Variants in STAT4 observed in about 807,000 individuals in gnomAD.
STAT4 encodes the protein signal transducer and activator of transcription 4.
A neutral mutation model predicts 110.5 loss-of-function variants in STAT4; 42 were observed. The observed-to-expected ratio is 0.38, with a 90% CI of 0.30 to 0.49. The LOEUF (loss-of-function observed/expected upper bound fraction) is 0.49, where lower values mean the gene tolerates loss of function less well. STAT4 is among the 20% of genes least tolerant of loss of function. The probability of loss-of-function intolerance (pLI) is 0.95; values close to 1 mark genes in which losing one functional copy is unlikely to be tolerated. For synonymous variants in STAT4, 284 were observed against 302.2 expected (o/e 0.94, Z 0.63); for missense variants, 632 against 887.9 (o/e 0.71, Z 3.66).
rs1023352164 is a variant in STAT4 at position 191,050,130 on chromosome 2, G to A, written c.1251+4360C>T. Among the ~76,000 whole-genome samples the A allele has an allele frequency of 6.6e-6, 1 of 152,146 alleles. No homozygotes were observed. Among genetic ancestry groups the A allele is most frequent in the African/African-American group, 2.4e-5 (1 of 41,436 alleles). ...AACACCTCAGTCTGTGGCTAAAACT[G>A]TCATTTATCAGTTAAAGCCCACTGA... is the stretch of plus-strand genomic sequence containing the variant. On this transcript the variant is annotated intron_variant, in intron 14 of 23. Transcript: ENST00000392320. This position sits in a 1 kb window ranked among gnomAD's most constrained non-coding sequence, Gnocchi z 4.3.
At position 191,066,338 on chromosome 2, in the gene STAT4, TA is replaced by T; in HGVS notation, c.630+91del. On this transcript the variant is annotated intron_variant, in intron 7 of 23. Coordinates refer to ENST00000392320, the MANE Select transcript of STAT4 (RefSeq NM_003151.4). The surrounding 1 kb of genome is among the most constrained non-coding windows in gnomAD (Gnocchi z 4.3). ...TTCTTCATTCAGTAAATGGAACTGATAAAATCTGACAGCTTGATTATTTTCA... is the reference window on the plus strand; with the variant it reads ...TTCTTCATTCAGTAAATGGAACTGATAAATCTGACAGCTTGATTATTTTCA... 8.5e-7 allele frequency: 1 copy of T among 1,172,122 alleles called. No individual in the cohort carries two copies. 72.6% of individuals were successfully genotyped at this position (1,172,122 alleles called of 1,614,324 possible).
chr2:191,098,419 A>C (rs1698066169), intron 3 of STAT4, among the ~76,000 whole-genome samples: 1 of 152,216 alleles, frequency 6.6e-6, no homozygotes, highest in Admixed American at 6.5e-5. Flanking sequence ...TATACCATGG[A>C]ATACTATGCA....
At position 191,099,616 on chromosome 2, in the gene STAT4, C is replaced by T. The variant is rs1176072174; in HGVS notation, c.274-23291G>A. On this transcript the variant is annotated intron_variant, in intron 3 of 23. Coordinates refer to ENST00000392320, the MANE Select transcript of STAT4 (RefSeq NM_003151.4). The surrounding 1 kb of genome is among the most constrained non-coding windows in gnomAD (Gnocchi z 4.1). ...TTCATCATTTACAAAATTTCATAAA[C>T]AACACACATGTACACATTATATTTT... is the stretch of plus-strand genomic sequence containing the variant. Among the ~76,000 whole-genome samples the T allele has an allele frequency of 6.6e-6, 1 of 152,060 alleles. No individual in the cohort carries two copies. The highest frequency in any genetic ancestry group is 2.4e-5 in the African/African-American group (1 of 41,432).
intron 3 of STAT4, among the ~76,000 whole-genome samples, chr2:191,119,109 T>C (rs1698650889): frequency 6.6e-6 from 1 of 152,196 alleles, no homozygotes. Flanking sequence ...CCTATGGTTC[T>C]GACAAAATAA....
Position 191,144,861 on chromosome 2 carries a change from A to G in STAT4, c.273+1752T>C, listed in dbSNP as rs906408315. ...CAATTCCAAAAGGTAGATAATAATTATCTTTGTTTACATTAAAAGATACAG... is the reference window on the plus strand; with the variant it reads ...CAATTCCAAAAGGTAGATAATAATTGTCTTTGTTTACATTAAAAGATACAG... On this transcript the variant is annotated intron_variant, in intron 3 of 23. Coordinates refer to ENST00000392320, the MANE Select transcript of STAT4 (RefSeq NM_003151.4). This position sits in a 1 kb window ranked among gnomAD's most constrained non-coding sequence, Gnocchi z 4.7. Among the ~76,000 whole-genome samples the G allele has an allele frequency of 3.9e-5, 6 of 152,206 alleles. No homozygotes were observed. The highest frequency in any genetic ancestry group is 6.5e-5 in the Admixed American group (1 of 15,272).
At chr2:191,040,744 T>C (rs1696171322) in intron 15 of STAT4, among the ~76,000 whole-genome samples, 1 of 152,054 alleles carries the variant, frequency 6.6e-6, no homozygotes, top group Admixed American at 6.6e-5. Context: ...GTATTTTTAG[T>C]AGAGGTGGGG....
chr2:191,038,522 C>G (rs1489434118), intron 16 of STAT4, among the ~76,000 whole-genome samples: 1 of 152,146 alleles, frequency 6.6e-6, no homozygotes, highest in Non-Finnish European at 1.5e-5. Flanking sequence ...TTTCTCTAGA[C>G]CTCAGTGGTT....
Position 191,047,377 on chromosome 2 carries a change from G to T in STAT4, c.1252-6229C>A, listed in dbSNP as rs575988868. On this transcript the variant is annotated intron_variant, in intron 14 of 23. Transcript: ENST00000392320. ...TTGTGGGAACCCTCAATTTATTGCT[G>T]GTTGGTCAGAAGTGCAGATCACAAC... Among the ~76,000 whole-genome samples the T allele has an allele frequency of 5.9e-5, 9 of 152,320 alleles. No individual in the cohort carries two copies. The East Asian group carries it at 1.7e-3, about 29-fold the overall frequency.
intron 5 of STAT4, 115 bp downstream of exon 5, chr2:191,072,983 T>C (rs1315171469): frequency 1.4e-6 from 1 of 703,106 alleles, no homozygotes; most frequent in Non-Finnish European, 2.4e-6. Context: ...TTTATCTTAT[T>C]AACAAATTGC....
At chr2:191,129,351 G>A (rs1698968374) in intron 3 of STAT4, among the ~76,000 whole-genome samples, 2 of 152,126 alleles carry the variant, frequency 1.3e-5, no homozygotes, top group South Asian at 2.1e-4. Flanking sequence ...CTACTTGGGA[G>A]GCTGAGGTGG....
At chr2:191,128,047 G>A (rs1018557462) in intron 3 of STAT4, among the ~76,000 whole-genome samples, 16 of 152,136 alleles carry the variant, frequency 1.1e-4, no homozygotes, top group African/African-American at 3.4e-4. Context: ...CCCATATTAG[G>A]CATCAAACAA....
chr2:191,076,331 A>T lies in STAT4; in HGVS notation c.274-6T>A. On this transcript the variant is annotated splice_region_variant and splice_polypyrimidine_tract_variant and intron_variant, in intron 3 of 23. Coordinates refer to ENST00000392320, the MANE Select transcript of STAT4 (RefSeq NM_003151.4). The stretch of plus-strand genomic sequence containing the variant: ...GGATTTCCATGAAATTTTCCCTGAA[A>T]AAAAAAACAATGAGCAAAAATAACT... The T allele has an allele frequency of 6.3e-7, 1 of 1,592,686 alleles. No homozygotes were observed. Among genetic ancestry groups the T allele is most frequent in the Non-Finnish European group, 8.5e-7 (1 of 1,172,324 alleles).
chr2:191,123,409 G>A (rs1313570227), intron 3 of STAT4, among the ~76,000 whole-genome samples: 2 of 152,082 alleles, frequency 1.3e-5, no homozygotes, highest in African/African-American at 2.4e-5. Context: ...CAGAGGTTTA[G>A]TGTCTCCCTC....
intron 3 of STAT4, among the ~76,000 whole-genome samples, chr2:191,084,761 A>G (rs1697588700): frequency 6.6e-6 from 1 of 152,048 alleles, no homozygotes; most frequent in African/African-American, 2.4e-5. Context: ...ACATTAAAAT[A>G]AAAAGCATAC....
rs1695964707 is a variant in STAT4 at position 191,033,784 on chromosome 2, T to A, written c.1715+127A>T. 2 of 1,335,790 alleles carry A rather than the reference T, an allele frequency of 1.5e-6. No individual in the cohort carries two copies. The highest frequency in any genetic ancestry group is 1.5e-5 in the African/African-American group (1 of 67,616). The allele number at this position is 1,335,790 out of a possible 1,614,324, so 82.7% of individuals were successfully genotyped here. A position where few individuals can be genotyped will look rare whatever the true frequency, so the allele number is the denominator to read the frequency against. The stretch of plus-strand genomic sequence containing the variant: ...ATACATAGTGCCACTCCACAAAGAA[T>A]AAGAAATTGCAACTATTTTTTTCTG... On this transcript the variant is annotated intron_variant, in intron 19 of 23. Coordinates refer to ENST00000392320, the MANE Select transcript of STAT4 (RefSeq NM_003151.4). This position sits in a 1 kb window ranked among gnomAD's most constrained non-coding sequence, Gnocchi z 6.9.
Position 191,113,390 on chromosome 2 carries a change from T to C in STAT4, c.273+33223A>G, listed in dbSNP as rs1422494085. On this transcript the variant is annotated intron_variant, in intron 3 of 23. Coordinates refer to ENST00000392320, the MANE Select transcript of STAT4 (RefSeq NM_003151.4). This position sits in a 1 kb window ranked among gnomAD's most constrained non-coding sequence, Gnocchi z 4.8. ...GATCTTGAGAGCTCCAACAGGGTTATAGTTCAGAGCTTGGGACACAGGAGA... is the reference window on the plus strand; with the variant it reads ...GATCTTGAGAGCTCCAACAGGGTTACAGTTCAGAGCTTGGGACACAGGAGA... Among the ~76,000 whole-genome samples the C allele has an allele frequency of 6.6e-6, 1 of 152,260 alleles. No homozygotes were observed. The highest frequency in any genetic ancestry group is 1.5e-5 in the Non-Finnish European group (1 of 68,042).
chr2:191,083,800 T>G lies in STAT4; in HGVS notation c.274-7475A>C, dbSNP rs1248609081. ...GGCCTGTGTGGGTATCAAACTGACT[T>G]ACTCATAAATTAAGTAAATAAGCCC... On this transcript the variant is annotated intron_variant, in intron 3 of 23. Coordinates refer to ENST00000392320, the MANE Select transcript of STAT4 (RefSeq NM_003151.4). The surrounding 1 kb of genome is among the most constrained non-coding windows in gnomAD (Gnocchi z 4.6). 1.3e-5 allele frequency among the ~76,000 whole-genome samples: 2 copies of G among 152,174 alleles called. No individual in the cohort carries two copies. Among genetic ancestry groups the G allele is most frequent in the Non-Finnish European group, 2.9e-5 (2 of 68,032 alleles).
Position 191,146,778 on chromosome 2 carries a change from T to C in STAT4, c.129-21A>G, listed in dbSNP as rs1699473183. The C allele has an allele frequency of 2.6e-6, 4 of 1,516,862 alleles. No individual in the cohort carries two copies. Among genetic ancestry groups the C allele is most frequent in the African/African-American group, 1.4e-5 (1 of 70,796 alleles). The allele number at this position is 1,516,862 out of a possible 1,614,324, so 94.0% of individuals were successfully genotyped here. A position where few individuals can be genotyped will look rare whatever the true frequency, so the allele number is the denominator to read the frequency against. On this transcript the variant is annotated intron_variant, in intron 2 of 23. Coordinates refer to ENST00000392320, the MANE Select transcript of STAT4 (RefSeq NM_003151.4). The surrounding 1 kb of genome is among the most constrained non-coding windows in gnomAD (Gnocchi z 4.5). ...CCTCCCTAAAAAAAAAAAGGATTATTACACAACAGAAAACAACTTTGTAAA... is the reference window on the plus strand; with the variant it reads ...CCTCCCTAAAAAAAAAAAGGATTATCACACAACAGAAAACAACTTTGTAAA...
intron 6 of STAT4, among the ~76,000 whole-genome samples, chr2:191,067,534 A>G (rs1697027962): frequency 6.6e-6 from 1 of 152,156 alleles, no homozygotes; most frequent in Admixed American, 6.6e-5. Context: ...CAAGAATACT[A>G]TTTATTAACC....
Sources: allele counts gnomAD v4.1 joint callset (sites outside exome capture counted in the v4.1 genomes callset), GRCh38; gene constraint gnomAD v4.1.1; non-coding constraint Gnocchi (gnomAD v3.1); transcripts MANE v1.5; gene names NCBI Gene and HGNC (gene_info 2026-07-23, HGNC 2026-07-21).